Variants in ASGR2 observed in about 807,000 individuals in gnomAD.
ASGR2 encodes asialoglycoprotein receptor 2, also known as C-type lectin domain family 4 member H2.
A neutral mutation model predicts 32.3 loss-of-function variants in ASGR2; 34 were observed. The ratio of observed to expected loss-of-function variants is 1.05; its 90% CI spans 0.80 to 1.40. The LOEUF is 1.40. Among genes scored for constraint, ASGR2 ranks in the 40% most tolerant of loss-of-function variants. ASGR2 has a pLI of 0.00. For synonymous variants in ASGR2, 143 were observed against 150.0 expected, an observed-to-expected ratio of 0.95 and a Z score of 0.34; for missense variants, 385 against 386.4, an observed-to-expected ratio of 1.00 and a Z score of 0.03.
intron 2 of ASGR2, among the ~76,000 whole-genome samples, chr17:7,109,760 G>A (rs760644620): frequency 6.6e-6 from 1 of 151,702 alleles, no homozygotes; most frequent in Non-Finnish European, 1.5e-5. Context: ...TCATGACCAC[G>A]CTCTGCTGTA....
chr17:7,108,957 G>T lies in ASGR2; in HGVS notation c.125-69C>A, dbSNP rs371044198. 11 of 1,327,290 alleles carry T rather than the reference G, an allele frequency of 8.3e-6. No individual in the cohort carries two copies. The highest frequency in any genetic ancestry group is 1.6e-5 in the African/African-American group (1 of 64,000). The allele number at this position is 1,327,290 out of a possible 1,614,324, so 82.2% of individuals were successfully genotyped here. A position where few individuals can be genotyped will look rare whatever the true frequency, so the allele number is the denominator to read the frequency against. ...AGCCGGAGGGTAAAGACAGGGCACC[G>T]AAGCCTGAGGAGGCATAACCTGGGC... On this transcript the variant is annotated intron_variant, in intron 2 of 8. Transcript: ENST00000691900. The surrounding 1 kb of genome is among the most constrained non-coding windows in gnomAD (Gnocchi z 4.9).
At chr17:7,112,562 G>A (rs1382301664) in intron 2 of ASGR2, among the ~76,000 whole-genome samples, 3 of 152,160 alleles carry the variant, frequency 2.0e-5, no homozygotes, top group Admixed American at 1.3e-4. Flanking sequence ...ACCGGGTGCC[G>A]TGTGGGCACT....
At position 7,113,655 on chromosome 17, in the gene ASGR2, CACACACAAGAT is replaced by C. The variant is rs1343252036; in HGVS notation, c.124+451_124+461del. Among the ~76,000 whole-genome samples the C allele has an allele frequency of 6.6e-6, 1 of 151,798 alleles. No homozygotes were observed. The highest frequency in any genetic ancestry group is 1.5e-5 in the Non-Finnish European group (1 of 67,920). On this transcript the variant is annotated intron_variant, in intron 2 of 8. Coordinates refer to ENST00000691900, the MANE Select transcript of ASGR2 (RefSeq NM_001201352.2). This position sits in a 1 kb window ranked among gnomAD's most constrained non-coding sequence, Gnocchi z 5.1. ...ACACACACAACACACAACATACACTCACACACAAGATACACACAACATATACTCACACAACA... is the reference window on the plus strand; with the variant it reads ...ACACACACAACACACAACATACACTCACACACAACATATACTCACACAACA...
chr17:7,101,654 C>T lies in ASGR2; in HGVS notation c.842G>A (p.Arg281His), dbSNP rs773007336. The change falls in exon 9 of 9, where the codon CGC becomes CAC. Residue 281 changes from arginine (R) to histidine (H), a missense_variant. Arg to His is a conservative substitution (Grantham distance 29). Transcript: ENST00000691900. ...EDCVEVQPDG[R>H]WNDDFCLQVY... ...CTGCAGGCAGAAGTCATCGTTCCAG[C>T]GGCCATCCGGCTGGACTTCAACACA... The T allele has an allele frequency of 5.0e-6, 8 of 1,614,066 alleles. No individual in the cohort carries two copies. Among genetic ancestry groups the T allele is most frequent in the Non-Finnish European group, 6.8e-6 (8 of 1,180,048 alleles).
At position 7,108,562 on chromosome 17, in the gene ASGR2, T is replaced by A. The variant is rs1258441832; in HGVS notation, c.242-5A>T. On this transcript the variant is annotated splice_polypyrimidine_tract_variant and splice_region_variant and intron_variant, in intron 3 of 8. Transcript: ENST00000691900. The surrounding 1 kb of genome is among the most constrained non-coding windows in gnomAD (Gnocchi z 4.9). ...GCTCGGCTTGCAGCTGTGCACCTTG[T>A]CAGGTGGTAGTGGGGGCAGGATGAG... 1 of 1,607,192 alleles carries A rather than the reference T, an allele frequency of 6.2e-7. No homozygotes were observed. Among genetic ancestry groups the A allele is most frequent in the Non-Finnish European group, 8.5e-7 (1 of 1,177,328 alleles).
At position 7,101,328 on chromosome 17, in the gene ASGR2, C is replaced by G. The variant is rs1912774767; in HGVS notation, c.*247G>C. On this transcript the variant is annotated 3_prime_UTR_variant, in exon 9 of 9. Coordinates refer to ENST00000691900, the MANE Select transcript of ASGR2 (RefSeq NM_001201352.2). ...CCAATAACCAGGCCACACAGAGATT[C>G]AAGCATTTGTTTCTTCTTTCCTACG... 2 of 465,836 alleles carry G rather than the reference C, an allele frequency of 4.3e-6. No homozygotes were observed. The highest frequency in any genetic ancestry group is 3.6e-5 in the South Asian group (1 of 27,608). The allele number at this position is 465,836 out of a possible 1,614,324, so 28.9% of individuals were successfully genotyped here.
At chr17:7,102,330 A>G in intron 7 of ASGR2, 134 bp from the exon 8 acceptor site, 1 of 729,946 alleles carries the variant, frequency 1.4e-6, no homozygotes, top group South Asian at 1.6e-5. Flanking sequence ...AGCTCCCGAC[A>G]AGACTGCTTC....
intron 2 of ASGR2, among the ~76,000 whole-genome samples, chr17:7,111,449 GATC>G (rs1567770475): frequency 6.6e-6 from 1 of 152,144 alleles, no homozygotes; most frequent in East Asian, 1.9e-4. Flanking sequence ...GAGGTCAGGA[GATC>G]GACACCATCC....
Position 7,107,077 on chromosome 17 carries a change from T to C in ASGR2, c.571A>G (p.Lys191Glu). The change falls in exon 7 of 9, where the codon AAG becomes GAG. Residue 191 changes from lysine to glutamate, a missense_variant. By Grantham distance (56) the Lys-to-Glu change is moderately conservative. Coordinates refer to ENST00000691900, the MANE Select transcript of ASGR2 (RefSeq NM_001201352.2). The surrounding 1 kb of genome is among the most constrained non-coding windows in gnomAD (Gnocchi z 5.0). ...GSCYWFSHSG[K>E]AWAEAEKYCQ... ...TACTTCTCCGCCTCAGCCCAGGCCT[T>C]CCCGGAGTGAGAGAACCAGTAGCAG... 1 of 1,614,012 alleles carries C rather than the reference T, an allele frequency of 6.2e-7. No individual in the cohort carries two copies. The highest frequency in any genetic ancestry group is 8.5e-7 in the Non-Finnish European group (1 of 1,180,006).
chr17:7,107,369 A>G lies in ASGR2; in HGVS notation c.410-52T>C, dbSNP rs1597382765. ...CCGGCAGGTGTGGTCCCCACCTGCT[A>G]GGCTCCAGCCTGTGGCTGGGGAAGC... On this transcript the variant is annotated intron_variant, in intron 5 of 8. Coordinates refer to ENST00000691900, the MANE Select transcript of ASGR2 (RefSeq NM_001201352.2). This position sits in a 1 kb window ranked among gnomAD's most constrained non-coding sequence, Gnocchi z 5.0. The G allele has an allele frequency of 6.3e-7, 1 of 1,581,572 alleles. No individual in the cohort carries two copies. The highest frequency in any genetic ancestry group is 1.1e-5 in the South Asian group (1 of 89,806).
Position 7,114,345 on chromosome 17 carries a change from T to C in ASGR2, c.-70-35A>G, listed in dbSNP as rs1915201505. 9 of 1,246,078 alleles carry C rather than the reference T, an allele frequency of 7.2e-6. No individual in the cohort carries two copies. The highest frequency in any genetic ancestry group is 8.3e-6 in the Non-Finnish European group (8 of 961,214). The allele number at this position is 1,246,078 out of a possible 1,614,324, so 77.2% of individuals were successfully genotyped here. On this transcript the variant is annotated intron_variant, in intron 1 of 8. Coordinates refer to ENST00000691900, the MANE Select transcript of ASGR2 (RefSeq NM_001201352.2). The surrounding 1 kb of genome is among the most constrained non-coding windows in gnomAD (Gnocchi z 4.5). The stretch of plus-strand genomic sequence containing the variant: ...AGGTGCAGATTCACGTGGAGGTTGA[T>C]GGTGGGATGGAACGCAGGGTCGGAG...
At position 7,113,385 on chromosome 17, in the gene ASGR2, TAC is replaced by T. The variant is rs138132186; in HGVS notation, c.124+730_124+731del. On this transcript the variant is annotated intron_variant, in intron 2 of 8. Coordinates refer to ENST00000691900, the MANE Select transcript of ASGR2 (RefSeq NM_001201352.2). The surrounding 1 kb of genome is among the most constrained non-coding windows in gnomAD (Gnocchi z 5.1). ...CAACATACATAACACACTCACAACA[TAC>T]ACACACAACACACACACTCGCACAA... Among the ~76,000 whole-genome samples, 25,098 of 144,310 alleles carry T rather than the reference TAC, an allele frequency of 0.17. 2,510 individuals carry two copies. The highest frequency in any genetic ancestry group is 0.32 in the South Asian group (1,481 of 4,596). 94.7% of individuals were successfully genotyped at this position (144,310 alleles called of 152,430 possible). A position where few individuals can be genotyped will look rare whatever the true frequency, so the allele number is the denominator to read the frequency against.
chr17:7,115,056 G>A (rs943053333), upstream of ASGR2: 5 of 961,096 alleles, frequency 5.2e-6, no homozygotes, highest in African/African-American at 8.8e-5. The surrounding 1 kb of genome is among the most constrained non-coding windows in gnomAD (Gnocchi z 4.2). Flanking sequence ...GAATTTACCA[G>A]AACTGTGGGT....
Position 7,107,387 on chromosome 17 carries a change from G to A in ASGR2, c.410-70C>T, listed in dbSNP as rs560462030. The A allele has an allele frequency of 2.0e-6, 3 of 1,528,476 alleles. No homozygotes were observed. The highest frequency in any genetic ancestry group is 1.8e-6 in the Non-Finnish European group (2 of 1,122,682). The allele number at this position is 1,528,476 out of a possible 1,614,324, so 94.7% of individuals were successfully genotyped here. A position where few individuals can be genotyped will look rare whatever the true frequency, so the allele number is the denominator to read the frequency against. ...ACCTGCTAGGCTCCAGCCTGTGGCT[G>A]GGGAAGCATATACACCCACAGACAC... On this transcript the variant is annotated intron_variant, in intron 5 of 8. Transcript: ENST00000691900. This position sits in a 1 kb window ranked among gnomAD's most constrained non-coding sequence, Gnocchi z 5.0.
At chr17:7,103,398 G>C (rs1913135917) in intron 7 of ASGR2, among the ~76,000 whole-genome samples, 1 of 152,172 alleles carries the variant, frequency 6.6e-6, no homozygotes, top group Non-Finnish European at 1.5e-5. Flanking sequence ...AGTGCCTGGA[G>C]ACAACACACA....
Position 7,108,982 on chromosome 17 carries a change from C to A in ASGR2, c.125-94G>T. 1.4e-6 allele frequency: 1 copy of A among 726,602 alleles called. No individual in the cohort carries two copies. Among genetic ancestry groups the A allele is most frequent in the Non-Finnish European group, 1.9e-6 (1 of 523,598 alleles). 45.0% of individuals were successfully genotyped at this position (726,602 alleles called of 1,614,324 possible). A position where few individuals can be genotyped will look rare whatever the true frequency, so the allele number is the denominator to read the frequency against. ...GAAGCCTGAGGAGGCATAACCTGGG[C>A]GGGGGGATTGGTTGGGGCCATGGGG... On this transcript the variant is annotated intron_variant, in intron 2 of 8. Coordinates refer to ENST00000691900, the MANE Select transcript of ASGR2 (RefSeq NM_001201352.2). The surrounding 1 kb of genome is among the most constrained non-coding windows in gnomAD (Gnocchi z 4.9).
intron 7 of ASGR2, among the ~76,000 whole-genome samples, chr17:7,104,249 G>C (rs767024603): frequency 3.3e-5 from 5 of 150,966 alleles, no homozygotes; most frequent in Admixed American, 3.3e-4. Flanking sequence ...TTGGGAGGCT[G>C]AGGCAGGAGA....
chr17:7,107,080 C>G lies in ASGR2; in HGVS notation c.568G>C (p.Gly190Arg), dbSNP rs766538747. ...TTCTCCGCCTCAGCCCAGGCCTTCC[C>G]GGAGTGAGAGAACCAGTAGCAGCTG... ...QGSCYWFSHS[G>R]KAWAEAEKYC... The change falls in exon 7 of 9, where the codon GGG becomes CGG. Residue 190 changes from glycine to arginine, a missense_variant. Coordinates refer to ENST00000691900, the MANE Select transcript of ASGR2 (RefSeq NM_001201352.2). The surrounding 1 kb of genome is among the most constrained non-coding windows in gnomAD (Gnocchi z 5.0). The G allele has an allele frequency of 1.9e-6, 3 of 1,614,016 alleles. No individual in the cohort carries two copies. Among genetic ancestry groups the G allele is most frequent in the African/African-American group, 1.3e-5 (1 of 74,902 alleles).
In ASGR2 at chr17:7,114,324, G is replaced by A. The variant is rs942514463; in HGVS notation, c.-70-14C>T. 3 of 1,525,032 alleles carry A rather than the reference G, an allele frequency of 2.0e-6. No homozygotes were observed. Among genetic ancestry groups the A allele is most frequent in the African/African-American group, 2.7e-5 (2 of 72,844 alleles). 94.5% of individuals were successfully genotyped at this position (1,525,032 alleles called of 1,614,324 possible). A position where few individuals can be genotyped will look rare whatever the true frequency, so the allele number is the denominator to read the frequency against. Reference sequence around the variant, plus strand: ...TGAGGGCTGGGGCTGGGGCAGAGGTGCAGATTCACGTGGAGGTTGATGGTG... The same window carrying A: ...TGAGGGCTGGGGCTGGGGCAGAGGTACAGATTCACGTGGAGGTTGATGGTG... On this transcript the variant is annotated splice_polypyrimidine_tract_variant and intron_variant, in intron 1 of 8. Transcript: ENST00000691900. This position sits in a 1 kb window ranked among gnomAD's most constrained non-coding sequence, Gnocchi z 4.5.
Sources: gnomAD v4.1 joint callset for allele counts (sites outside exome capture counted in the v4.1 genomes callset) on GRCh38, gnomAD v4.1.1 for gene constraint, Gnocchi (gnomAD v3.1) non-coding constraint, MANE v1.5 for transcripts, NCBI Gene and HGNC (gene_info 2026-07-23, HGNC 2026-07-21) for gene names.